The following BCR variants were observed in gnomAD, a reference collection of about 807,000 sequenced individuals.
The protein encoded by BCR is BCR activator of RhoGEF and GTPase.
A neutral mutation model predicts 138.6 loss-of-function variants in BCR; 58 were observed. The ratio of observed to expected loss-of-function variants is 0.42; its 90% CI spans 0.34 to 0.52. BCR has a LOEUF of 0.52. BCR is among the 20% of genes least tolerant of loss of function. The pLI is 0.06. For missense variants in BCR, 1,599 were observed against 1,727.2 expected (o/e 0.93, Z 1.32); for synonymous variants, 786 against 730.1 (o/e 1.08, Z -1.23).
chr22:23,294,950 G>C, intron 15 of BCR, 74 bp from the exon 16 acceptor site: 1 of 1,563,442 alleles, frequency 6.4e-7, no homozygotes. Context: ...GAGAGCCCCG[G>C]TTCAGAGGAC....
chr22:23,259,370 A>G (rs1315431589), intron 2 of BCR, among the ~76,000 whole-genome samples: 1 of 152,030 alleles, frequency 6.6e-6, no homozygotes, highest in East Asian at 1.9e-4. Flanking sequence ...CTTCTTTTAC[A>G]AGCACCCCAG....
At chr22:23,275,815 G>A (rs939296632) in intron 8 of BCR, among the ~76,000 whole-genome samples, 1 of 152,128 alleles carries the variant, frequency 6.6e-6, no homozygotes, top group Admixed American at 6.5e-5. Flanking sequence ...TTTTATGAGC[G>A]CTCTGACCTC....
intron 1 of BCR, among the ~76,000 whole-genome samples, chr22:23,225,394 C>G (rs1404345846): frequency 6.6e-6 from 1 of 151,916 alleles, no homozygotes; most frequent in Non-Finnish European, 1.5e-5. Context: ...GCAGGCTGGC[C>G]AGCCCAGGTG....
At chr22:23,263,688 C>T (rs919481743) in intron 4 of BCR, 14 of 1,409,686 alleles carry the variant, frequency 9.9e-6, no homozygotes, top group Non-Finnish European at 1.4e-5. Context: ...GTAAGATTCA[C>T]AGCACCTTCG....
At chr22:23,258,154 A>C (rs990662901) in intron 2 of BCR, among the ~76,000 whole-genome samples, 1 of 152,070 alleles carries the variant, frequency 6.6e-6, no homozygotes, top group Non-Finnish European at 1.5e-5. Context: ...GTATAAATGC[A>C]TATATATACA....
At chr22:23,263,243 C>T (rs2073392151) in intron 4 of BCR, 3 of 1,048,466 alleles carry the variant, frequency 2.9e-6, no homozygotes, top group Admixed American at 4.5e-5. Context: ...TGCTGCTGCA[C>T]ATGTGCTCCT....
At chr22:23,192,413 C>G (rs1253297548) in intron 1 of BCR, among the ~76,000 whole-genome samples, 1 of 152,196 alleles carries the variant, frequency 6.6e-6, no homozygotes, top group African/African-American at 2.4e-5. Flanking sequence ...TTTTGGGCAC[C>G]TGCTGTGTTG....
At chr22:23,188,825 C>T (rs941667801) in intron 1 of BCR, among the ~76,000 whole-genome samples, 2 of 151,692 alleles carry the variant, frequency 1.3e-5, no homozygotes, top group African/African-American at 4.8e-5. Flanking sequence ...ATCCATGTAA[C>T]ATGTTAGAAG....
chr22:23,249,906 G>A (rs1489186617), intron 1 of BCR, among the ~76,000 whole-genome samples: 2 of 152,182 alleles, frequency 1.3e-5, no homozygotes, highest in African/African-American at 4.8e-5. Flanking sequence ...ATTGATTTGA[G>A]ATCTCTGCAG....
chr22:23,285,040 C>A lies in BCR; in HGVS notation c.2245C>A (p.Gln749Lys), dbSNP rs2073695159. 6.2e-7 allele frequency: 1 copy of A among 1,612,946 alleles called. No individual in the cohort carries two copies. The highest frequency in any genetic ancestry group is 1.3e-5 in the African/African-American group (1 of 74,920). Residue 749 changes from glutamine to lysine, a missense_variant, in exon 10 of 23, where the codon CAG becomes AAG. Transcript: ENST00000305877. The part of the protein sequence containing the change: ...KLKKQSGGKT[Q>K]QYDCKWYIPL... The stretch of plus-strand genomic sequence containing the variant: ...TTCTCTCCCCATCCCCAGCAAAACG[C>A]AGCAGTATGACTGCAAATGGTACAT...
At chr22:23,211,920 G>A (rs536337181) in intron 1 of BCR, among the ~76,000 whole-genome samples, 1 of 152,142 alleles carries the variant, frequency 6.6e-6, no homozygotes, top group East Asian at 1.9e-4. Flanking sequence ...TAGATTTGGG[G>A]CTGCTCCTCT....
chr22:23,294,914 C>T, intron 15 of BCR, 110 bp from the exon 16 acceptor site: 1 of 1,382,508 alleles, frequency 7.2e-7, no homozygotes, highest in Non-Finnish European at 1.0e-6. Flanking sequence ...AGGCATTGGT[C>T]CCTCTGGGCC....
rs968812650 is a variant in BCR at position 23,180,522 on chromosome 22, C to T, written c.-439C>T. ...CCTTCCTGCGGCGCAGAGTGCGGGC[C>T]GGGCGGGAGTGCGGCGAGAGCCGGC... On this transcript the variant is annotated 5_prime_UTR_variant, in exon 1 of 23. Coordinates refer to ENST00000305877, the MANE Select transcript of BCR (RefSeq NM_004327.4). 1 of 178,718 alleles carries T rather than the reference C, an allele frequency of 5.6e-6. No homozygotes were observed. The highest frequency in any genetic ancestry group is 1.1e-5 in the Non-Finnish European group (1 of 87,684). The allele number at this position is 178,718 out of a possible 1,614,324, so 11.1% of individuals were successfully genotyped here. A position where few individuals can be genotyped will look rare whatever the true frequency, so the allele number is the denominator to read the frequency against.
chr22:23,255,725 C>T (rs1234067933), intron 2 of BCR, among the ~76,000 whole-genome samples: 2 of 152,322 alleles, frequency 1.3e-5, no homozygotes, highest in South Asian at 2.1e-4. Flanking sequence ...CAGCCTTCAC[C>T]TTTCAGTCCA....
intron 16 of BCR, among the ~76,000 whole-genome samples, chr22:23,308,359 G>A (rs2073970985): frequency 6.6e-6 from 1 of 152,128 alleles, no homozygotes; most frequent in Non-Finnish European, 1.5e-5. Context: ...AGGCTGGAGT[G>A]CAGTGGCGCC....
chr22:23,280,731 G>A (rs1340158795), intron 8 of BCR, among the ~76,000 whole-genome samples: 1 of 152,186 alleles, frequency 6.6e-6, no homozygotes, highest in Non-Finnish European at 1.5e-5. Context: ...GGCTCCTGTG[G>A]GGATGATGAT....
intron 1 of BCR, among the ~76,000 whole-genome samples, chr22:23,221,379 T>C (rs1419490248): frequency 2.6e-5 from 4 of 152,174 alleles, no homozygotes; most frequent in African/African-American, 7.2e-5. Flanking sequence ...GCTGCTTCTC[T>C]CCCCTCCCTC....
intron 1 of BCR, chr22:23,199,261 G>A (rs763156089): frequency 1.9e-6 from 1 of 518,818 alleles, no homozygotes; most frequent in South Asian, 1.4e-5. Flanking sequence ...CTCTGTGCAA[G>A]AGCCAGGAAG....
chr22:23,231,679 G>A (rs2146244137), intron 1 of BCR, among the ~76,000 whole-genome samples: 1 of 152,274 alleles, frequency 6.6e-6, no homozygotes, highest in Admixed American at 6.5e-5. Context: ...CTTGTGTGGA[G>A]GAGGCATGGA....
Sources: allele counts gnomAD v4.1 joint callset (sites outside exome capture counted in the v4.1 genomes callset), GRCh38; gene constraint gnomAD v4.1.1; transcripts MANE v1.5; gene names NCBI Gene and HGNC (gene_info 2026-07-23, HGNC 2026-07-21).